The following NINJ2 variants were observed in gnomAD, a reference collection of about 807,000 sequenced individuals.
NINJ2 encodes the protein ninjurin 2, also known as ninjurin-2.
A neutral mutation model predicts 11.7 loss-of-function variants in NINJ2; 12 were observed. The ratio of observed to expected loss-of-function variants is 1.02; its 90% confidence interval spans 0.66 to 1.66. The LOEUF is 1.66. Ranked by LOEUF, NINJ2 falls within the 40% of genes most tolerant of loss-of-function variation. NINJ2 has a pLI of 0.00. For synonymous variants in NINJ2, 93 were observed against 76.8 expected (o/e 1.21, Z -1.10); for missense variants, 187 against 181.8 (o/e 1.03, Z -0.16).
At chr12:576,635 A>G (rs1947465288) in intron 1 of NINJ2, among the ~76,000 whole-genome samples, 1 of 152,210 alleles carries the variant, frequency 6.6e-6, no homozygotes, top group South Asian at 2.1e-4. Flanking sequence ...CCGGGGCTGC[A>G]GGCGCGAGCC....
At chr12:587,048 C>G (rs1468556494) in intron 1 of NINJ2, among the ~76,000 whole-genome samples, 3 of 152,206 alleles carry the variant, frequency 2.0e-5, no homozygotes, top group Non-Finnish European at 4.4e-5. Context: ...ATAAACAAGG[C>G]CAAAGGGAAA....
intron 1 of NINJ2, among the ~76,000 whole-genome samples, chr12:651,041 G>A (rs2120526275): frequency 6.6e-6 from 1 of 152,312 alleles, no homozygotes; most frequent in East Asian, 1.9e-4. Context: ...AAACTGCTTG[G>A]AGGCTCAGAA....
intron 1 of NINJ2, among the ~76,000 whole-genome samples, chr12:658,861 C>G (rs1359130737): frequency 6.6e-6 from 1 of 151,772 alleles, no homozygotes; most frequent in Non-Finnish European, 1.5e-5. Context: ...CAATGTAAGG[C>G]TCATCGGTTG....
intron 1 of NINJ2, among the ~76,000 whole-genome samples, chr12:641,429 T>G (rs1246370981): frequency 6.6e-6 from 1 of 151,808 alleles, no homozygotes; most frequent in Non-Finnish European, 1.5e-5. Context: ...CTCCCCAGGG[T>G]GAAAGGCGTG....
intron 1 of NINJ2, among the ~76,000 whole-genome samples, chr12:648,321 G>A (rs750263702): frequency 6.6e-6 from 1 of 152,142 alleles, no homozygotes; most frequent in African/African-American, 2.4e-5. Context: ...CAGATGATCC[G>A]CCTGCCTTGG....
At chr12:602,316 C>G (rs992140909) in intron 1 of NINJ2, among the ~76,000 whole-genome samples, 1 of 152,198 alleles carries the variant, frequency 6.6e-6, no homozygotes, top group African/African-American at 2.4e-5. Flanking sequence ...ATCCCCAGCC[C>G]CAGCCTAGGC....
chr12:650,867 TC>T (rs1450403585), intron 1 of NINJ2, among the ~76,000 whole-genome samples: 1 of 152,096 alleles, frequency 6.6e-6, no homozygotes, highest in Non-Finnish European at 1.5e-5. Flanking sequence ...CAACAACTCT[TC>T]TTGGATCCAA....
chr12:575,040 C>G (rs1183395128), intron 1 of NINJ2, among the ~76,000 whole-genome samples: 1 of 152,244 alleles, frequency 6.6e-6, no homozygotes, highest in African/African-American at 2.4e-5. Context: ...ATTTCAAATA[C>G]TGTGTTGTGA....
chr12:661,130 G>T (rs1462943991), intron 1 of NINJ2, among the ~76,000 whole-genome samples: 1 of 152,182 alleles, frequency 6.6e-6, no homozygotes, highest in Non-Finnish European at 1.5e-5. Context: ...CCAGGCTGGA[G>T]TGCAATGGCA....
intron 1 of NINJ2, among the ~76,000 whole-genome samples, chr12:578,714 T>G (rs910463613): frequency 3.3e-5 from 5 of 152,166 alleles, no homozygotes; most frequent in African/African-American, 4.8e-5. Flanking sequence ...AAGCATAGGC[T>G]GTGTAAGTCC....
intron 1 of NINJ2, among the ~76,000 whole-genome samples, chr12:629,920 T>TATATATAC (rs1948258262): frequency 2.0e-5 from 2 of 99,012 alleles, no homozygotes; most frequent in Non-Finnish European, 4.1e-5. Context: ...TATATATATA[T>TATATATAC]ATGAAGTTTC....
chr12:638,455 A>G (rs558071752), intron 1 of NINJ2, among the ~76,000 whole-genome samples: 24 of 152,256 alleles, frequency 1.6e-4, no homozygotes, highest in Admixed American at 2.6e-4. Context: ...TCGCTCTGTC[A>G]CCCAGGCTGG....
Position 571,354 on chromosome 12 carries a change from A to C in NINJ2, c.34-5176T>G, listed in dbSNP as rs575648052. On this transcript the variant is annotated intron_variant, in intron 1 of 3. Transcript: ENST00000305108. The stretch of plus-strand genomic sequence containing the variant: ...TTTGATGATTGGCATGGGATGAGGC[A>C]GGGGGGTGGGGGACACCAGAGACCC... Among the ~76,000 whole-genome samples, 37 of 152,070 alleles carry C rather than the reference A, an allele frequency of 2.4e-4. No individual in the cohort carries two copies. In the East Asian group the frequency reaches 6.6e-3, roughly 27 times the overall value.
intron 1 of NINJ2, among the ~76,000 whole-genome samples, chr12:592,559 G>A (rs1947730938): frequency 6.6e-6 from 1 of 152,174 alleles, no homozygotes; most frequent in Non-Finnish European, 1.5e-5. Flanking sequence ...AATTAGCCGG[G>A]CGAGGTGGCG....
intron 1 of NINJ2, among the ~76,000 whole-genome samples, chr12:613,775 G>A (rs1350163076): frequency 6.6e-6 from 1 of 151,906 alleles, no homozygotes; most frequent in African/African-American, 2.4e-5. Context: ...CGTGGTGGCG[G>A]GCGCCTGTAG....
chr12:631,799 A>G (rs1948285465), intron 1 of NINJ2, among the ~76,000 whole-genome samples: 1 of 152,226 alleles, frequency 6.6e-6, no homozygotes, highest in Non-Finnish European at 1.5e-5. Context: ...GAGAAAGGTG[A>G]AAAACACAAA....
chr12:632,767 C>T (rs1948298556), intron 1 of NINJ2, among the ~76,000 whole-genome samples: 1 of 152,180 alleles, frequency 6.6e-6, no homozygotes, highest in African/African-American at 2.4e-5. Flanking sequence ...GTATCTTCAT[C>T]AACATAGACA....
intron 1 of NINJ2, among the ~76,000 whole-genome samples, chr12:573,150 C>T (rs1324873378): frequency 2.0e-5 from 3 of 151,490 alleles, no homozygotes; most frequent in African/African-American, 4.8e-5. Context: ...CTCAGCCTCC[C>T]GAGTAGCTGG....
intron 1 of NINJ2, among the ~76,000 whole-genome samples, chr12:623,397 A>T (rs897039043): frequency 6.6e-6 from 1 of 152,118 alleles, no homozygotes; most frequent in African/African-American, 2.4e-5. Flanking sequence ...ACCTTTCCCC[A>T]GGGTTCCTGC....
Sources: allele counts gnomAD v4.1 joint callset (sites outside exome capture counted in the v4.1 genomes callset), GRCh38; gene constraint gnomAD v4.1.1; transcripts MANE v1.5; gene names NCBI Gene and HGNC (gene_info 2026-07-23, HGNC 2026-07-21).